Variants in KCNT1 observed in about 807,000 individuals in gnomAD.
KCNT1 encodes the protein potassium sodium-activated channel subfamily T member 1.
Under a neutral mutation model 147.8 loss-of-function variants are expected in KCNT1, and 78 were observed. The ratio of observed to expected loss-of-function variants is 0.53; its 90% confidence interval spans 0.44 to 0.64. KCNT1 has a LOEUF of 0.64. Ranked by LOEUF, KCNT1 falls within the 30% of genes least tolerant of loss-of-function variation. KCNT1 has a pLI of 0.00. For missense variants in KCNT1, 1,419 were observed against 1,750.3 expected (o/e 0.81, Z 3.38); for synonymous variants, 867 against 748.8 (o/e 1.16, Z -2.58).
At chr9:135,729,813 G>A (rs78773931) in intron 2 of KCNT1, among the ~76,000 whole-genome samples, 1,676 of 152,322 alleles carry the variant, frequency 0.011, 38 homozygotes, top group African/African-American at 0.039. Flanking sequence ...GTGTCTGCGT[G>A]TGGCCTCAGG....
chr9:135,734,374 C>T (rs983449252), intron 2 of KCNT1, among the ~76,000 whole-genome samples: 1 of 152,210 alleles, frequency 6.6e-6, no homozygotes, highest in African/African-American at 2.4e-5. Flanking sequence ...GCTTCTGGGA[C>T]TGCTGCTCGA....
rs111969774 is a variant in KCNT1 at position 135,746,994 on chromosome 9, G to A, written c.255-3104G>A. Among the ~76,000 whole-genome samples, 250 of 152,236 alleles carry A rather than the reference G, an allele frequency of 1.6e-3. 1 individual carries two copies. Among genetic ancestry groups the A allele is most frequent in the African/African-American group, 5.9e-3 (243 of 41,532 alleles). Reference sequence around the variant, plus strand: ...GGAATGGAGAATTCTGCCTCGGGGAGGGGGAGCCGGTGGATGCCAGAGGGT... The same window carrying A: ...GGAATGGAGAATTCTGCCTCGGGGAAGGGGAGCCGGTGGATGCCAGAGGGT... On this transcript the variant is annotated intron_variant, in intron 2 of 30. Transcript: ENST00000371757.
intron 2 of KCNT1, among the ~76,000 whole-genome samples, chr9:135,732,029 GA>G (rs1442746691): frequency 2.3e-4 from 32 of 140,152 alleles, no homozygotes; most frequent in Admixed American, 5.7e-4. Flanking sequence ...GAGAGAGAGA[GA>G]GAGAGAGAGA....
intron 2 of KCNT1, among the ~76,000 whole-genome samples, chr9:135,748,835 G>A (rs181771671): frequency 6.6e-6 from 1 of 152,344 alleles, no homozygotes; most frequent in East Asian, 1.9e-4. Context: ...ATCCCTGAGG[G>A]AGGCGGGGCA....
At position 135,768,956 on chromosome 9, in the gene KCNT1, T is replaced by C; in HGVS notation, c.1510+19T>C. 1 of 1,575,634 alleles carries C rather than the reference T, an allele frequency of 6.3e-7. No homozygotes were observed. The highest frequency in any genetic ancestry group is 8.7e-7 in the Non-Finnish European group (1 of 1,151,408). On this transcript the variant is annotated intron_variant, in intron 15 of 30. Coordinates refer to ENST00000371757, the MANE Select transcript of KCNT1 (RefSeq NM_020822.3). ...TTTGCTGGTGCGTCTGGGGCACACG[T>C]GGGTGATGGTGTATCTGGGGCAGGG...
chr9:135,704,959 A>T (rs1469291939), intron 1 of KCNT1, among the ~76,000 whole-genome samples: 1 of 152,172 alleles, frequency 6.6e-6, no homozygotes, highest in Non-Finnish European at 1.5e-5. Context: ...AGGAGGACAG[A>T]GGTGAGTGAG....
intron 29 of KCNT1, among the ~76,000 whole-genome samples, chr9:135,787,947 C>T (rs1452942626): frequency 1.3e-5 from 2 of 152,226 alleles, no homozygotes; most frequent in African/African-American, 4.8e-5. Flanking sequence ...AAGGAAGGAG[C>T]AACTGCCTTT....
rs758308334 is a variant in KCNT1, at chr9:135,792,041, C to T, written c.3588C>T (p.Val1196=). ...CAGGGTCCTCTGTGCCCTCCCGCAG[C>T]TATCTCATCCGCTCCGACCCCCTGG... The part of the protein sequence containing the change: ...PDTRLEPSDI[V]YLIRSDPLAH... Residue 1196 remains valine, a splice_region_variant and synonymous_variant, in exon 31 of 31, where the codon GTC becomes GTT. Coordinates refer to ENST00000371757, the MANE Select transcript of KCNT1 (RefSeq NM_020822.3). 83 of 1,603,940 alleles carry T rather than the reference C, an allele frequency of 5.2e-5. 2 individuals carry two copies. In the South Asian group the frequency reaches 7.8e-4, roughly 15 times the overall value.
At position 135,786,303 on chromosome 9, in the gene KCNT1, G is replaced by T; in HGVS notation, c.3284G>T (p.Gly1095Val). Reference sequence around the variant, plus strand: ...GGCAGCTCCCAGGGCCGCCACACGGGCGGCGGTGACCCCGCAGAGCACCCA... The same window carrying T: ...GGCAGCTCCCAGGGCCGCCACACGGTCGGCGGTGACCCCGCAGAGCACCCA... Reference protein sequence around the residue: ...TGGSSQGRHTGGGDPAEHPLL... With the variant: ...TGGSSQGRHTVGGDPAEHPLL... Residue 1095 changes from glycine to valine, a missense_variant, in exon 29 of 31, where the codon GGC becomes GTC. By Grantham distance (109) the Gly-to-Val change is moderately radical. Around this residue, in one of 5 missense-constraint regions of KCNT1, gnomAD observed 306 missense variants for 294.2 expected, o/e 1.04. Transcript: ENST00000371757. 6.2e-7 allele frequency: 1 copy of T among 1,603,744 alleles called. No individual in the cohort carries two copies. The highest frequency in any genetic ancestry group is 8.5e-7 in the Non-Finnish European group (1 of 1,176,522).
intron 5 of KCNT1, 82 bp from the exon 6 acceptor site, chr9:135,755,039 T>C (rs1588317457): frequency 1.5e-6 from 2 of 1,326,862 alleles, no homozygotes; most frequent in African/African-American, 1.5e-5. Flanking sequence ...TGGAGGCCAA[T>C]GGTTATGGCC....
intron 2 of KCNT1, among the ~76,000 whole-genome samples, chr9:135,724,145 G>T (rs1359572218): frequency 6.6e-6 from 1 of 152,236 alleles, no homozygotes; most frequent in Non-Finnish European, 1.5e-5. Context: ...AGAGGCACAG[G>T]GGGAGGGCAC....
At chr9:135,751,572 C>CAG (rs1386851845) in intron 4 of KCNT1, among the ~76,000 whole-genome samples, 1 of 152,208 alleles carries the variant, frequency 6.6e-6, no homozygotes, top group Non-Finnish European at 1.5e-5. Flanking sequence ...AGCCTCGCAG[C>CAG]AGCCGCGATG....
chr9:135,761,996 G>A (rs941267321), intron 11 of KCNT1, among the ~76,000 whole-genome samples: 10 of 152,250 alleles, frequency 6.6e-5, no homozygotes, highest in African/African-American at 7.2e-5. Flanking sequence ...TGCTTCTCAC[G>A]AGACCGTGGC....
At chr9:135,744,103 T>G (rs909129517) in intron 2 of KCNT1, among the ~76,000 whole-genome samples, 3 of 152,202 alleles carry the variant, frequency 2.0e-5, no homozygotes, top group Non-Finnish European at 4.4e-5. Flanking sequence ...CGGCCCCATG[T>G]GAGTGCAGGG....
chr9:135,736,726 G>T (rs1830357346), intron 2 of KCNT1: 1 of 371,574 alleles, frequency 2.7e-6, no homozygotes, highest in South Asian at 1.3e-4. Context: ...GGAGCCTCAC[G>T]GGCTCAGCCC....
At chr9:135,773,828 C>T (rs1335363994) in intron 19 of KCNT1, among the ~76,000 whole-genome samples, 1 of 152,210 alleles carries the variant, frequency 6.6e-6, no homozygotes, top group Non-Finnish European at 1.5e-5. Context: ...CTGGGGACAA[C>T]AGCCTGGCTG....
chr9:135,706,238 G>A (rs1004912630), intron 1 of KCNT1, among the ~76,000 whole-genome samples: 1 of 152,216 alleles, frequency 6.6e-6, no homozygotes, highest in Non-Finnish European at 1.5e-5. Context: ...CTGTGTTGGC[G>A]TCGGGAGCTT....
chr9:135,765,678 G>C lies in KCNT1; in HGVS notation c.1255G>C (p.Val419Leu). ...PTEMDVQVRR[V>L]LQIPLWSQRV... ...GGAGATGGATGTCCAGGTGCGCAGA[G>C]TCCTGCAGATCCCTCTGTGGTCCCA... The change falls in exon 13 of 31, where the codon GTC becomes CTC. Residue 419 changes from valine (V) to leucine (L), a missense_variant. Physicochemically the swap from Val to Leu is conservative, Grantham distance 32. Coordinates refer to ENST00000371757, the MANE Select transcript of KCNT1 (RefSeq NM_020822.3). The C allele has an allele frequency of 6.2e-7, 1 of 1,611,206 alleles. No individual in the cohort carries two copies. The highest frequency in any genetic ancestry group is 1.1e-5 in the South Asian group (1 of 90,576).
intron 2 of KCNT1, among the ~76,000 whole-genome samples, chr9:135,746,745 G>A (rs1359139619): frequency 6.6e-6 from 1 of 152,162 alleles, no homozygotes; most frequent in African/African-American, 2.4e-5. Context: ...AGATGGAGCT[G>A]GCTGGGTGTT....
Sources: gnomAD v4.1 joint callset for allele counts (sites outside exome capture counted in the v4.1 genomes callset) on GRCh38, gnomAD v4.1.1 for gene constraint, gnomAD v4.1.1 regional missense constraint, MANE v1.5 for transcripts, NCBI Gene and HGNC (gene_info 2026-07-23, HGNC 2026-07-21) for gene names.